The following LRRC4C variants were observed in gnomAD, a reference collection of about 807,000 sequenced individuals.
The protein encoded by LRRC4C is leucine rich repeat containing 4C.
In LRRC4C, 5 loss-of-function variants were observed where a neutral mutation model predicts 33.6. The ratio of observed to expected loss-of-function variants is 0.15; its 90% CI spans 0.08 to 0.31. The LOEUF (loss-of-function observed/expected upper bound fraction) is 0.31, where lower values mean the gene tolerates loss of function less well. Ranked by LOEUF, LRRC4C falls within the 10% of genes least tolerant of loss-of-function variation. The pLI is 1.00. For missense variants in LRRC4C, 560 were observed against 796.7 expected, an observed-to-expected ratio of 0.70 and a Z score of 3.58; for synonymous variants, 329 against 302.0, an observed-to-expected ratio of 1.09 and a Z score of -0.93.
rs546328553 is a variant in LRRC4C at position 40,467,143 on chromosome 11, C to T, written c.-269-147422G>A. ...TTTACTTTGTTATGAATTATGGACT[C>T]TTAGACTGCCTCAGTGAAGGTGAGT... On this transcript the variant is annotated intron_variant, in intron 3 of 6. Coordinates refer to ENST00000528697, the MANE Select transcript of LRRC4C (RefSeq NM_001258419.2). Among the ~76,000 whole-genome samples, 4 of 152,148 alleles carry T rather than the reference C, an allele frequency of 2.6e-5. No individual in the cohort carries two copies. The South Asian group carries it at 8.3e-4, about 32-fold the overall frequency.
At chr11:41,236,166 G>A (rs192524425) in intron 1 of LRRC4C, among the ~76,000 whole-genome samples, 154 of 152,108 alleles carry the variant, frequency 1.0e-3, no homozygotes, top group Middle Eastern at 3.4e-3. Flanking sequence ...GCCAATTAGC[G>A]CTTCACCTTC....
intron 2 of LRRC4C, among the ~76,000 whole-genome samples, chr11:40,864,013 C>T (rs536788948): frequency 6.6e-6 from 1 of 151,992 alleles, no homozygotes; most frequent in African/African-American, 2.4e-5. Context: ...ATATTGATGG[C>T]AAAATGACAA....
At chr11:41,077,039 C>T (rs1340954650) in intron 1 of LRRC4C, among the ~76,000 whole-genome samples, 2 of 152,208 alleles carry the variant, frequency 1.3e-5, no homozygotes, top group African/African-American at 2.4e-5. Context: ...GATTCCATGT[C>T]TCACATCCAG....
intron 1 of LRRC4C, among the ~76,000 whole-genome samples, chr11:41,160,664 T>C (rs1032978506): frequency 6.6e-6 from 1 of 152,136 alleles, no homozygotes; most frequent in African/African-American, 2.4e-5. Flanking sequence ...ATGGTGCAGG[T>C]GGCTGGCTAT....
chr11:40,324,491 G>A (rs1044139434), intron 3 of LRRC4C, among the ~76,000 whole-genome samples: 10 of 152,184 alleles, frequency 6.6e-5, no homozygotes, highest in African/African-American at 2.4e-4. Context: ...GGCAATGAAA[G>A]ATTGGAATTA....
intron 1 of LRRC4C, among the ~76,000 whole-genome samples, chr11:41,122,050 A>G (rs1052819254): frequency 6.6e-6 from 1 of 152,158 alleles, no homozygotes; most frequent in Non-Finnish European, 1.5e-5. Flanking sequence ...CATATAATAA[A>G]CATCTCATTG....
chr11:41,233,972 T>C (rs1947913027), intron 1 of LRRC4C, among the ~76,000 whole-genome samples: 1 of 151,796 alleles, frequency 6.6e-6, no homozygotes, highest in South Asian at 2.1e-4. Context: ...AAAAGCTTTT[T>C]TTTTTTTTTA....
At chr11:40,674,578 C>A (rs10501241) in intron 2 of LRRC4C, among the ~76,000 whole-genome samples, 27,049 of 151,938 alleles carry the variant, frequency 0.18, 3,089 homozygotes, top group East Asian at 0.49. Flanking sequence ...CGTGGAGATG[C>A]TTTGTAAACT....
At chr11:41,381,784 A>G (rs1311529221) in intron 1 of LRRC4C, among the ~76,000 whole-genome samples, 1 of 151,746 alleles carries the variant, frequency 6.6e-6, no homozygotes, top group Admixed American at 6.6e-5. Context: ...TATGAAATGA[A>G]TATATATATT....
chr11:40,515,130 T>C (rs758904679), intron 3 of LRRC4C, among the ~76,000 whole-genome samples: 11 of 152,180 alleles, frequency 7.2e-5, no homozygotes, highest in Non-Finnish European at 1.5e-4. Flanking sequence ...TGTGCTACTT[T>C]GGTTTAGAGT....
intron 1 of LRRC4C, among the ~76,000 whole-genome samples, chr11:40,968,662 T>C (rs1465995013): frequency 1.3e-5 from 2 of 152,140 alleles, no homozygotes. Flanking sequence ...ACTCTGCTTG[T>C]GTTTTATAAA....
Position 41,267,247 on chromosome 11 carries a change from A to G in LRRC4C, c.-496+192184T>C, listed in dbSNP as rs952058589. 7.2e-5 allele frequency among the ~76,000 whole-genome samples: 11 copies of G among 152,136 alleles called. No homozygotes were observed. In the East Asian group the frequency reaches 1.2e-3, roughly 16 times the overall value. ...CTGCTATCCTTTTGAATCCAAAAAC[A>G]GATCTGCTTCTAGAAGCTACCATAC... On this transcript the variant is annotated intron_variant, in intron 1 of 6. Transcript: ENST00000528697.
rs1211295886 is a variant in LRRC4C, at chr11:40,115,658, A to G, written c.635T>C (p.Ile212Thr). Residue 212 changes from isoleucine (I) to threonine (T), a missense_variant, in exon 7 of 7, where the codon ATC (isoleucine) becomes ACC (threonine). Transcript: ENST00000528697. The surrounding 1 kb of genome is among the most constrained non-coding windows in gnomAD (Gnocchi z 6.7). The part of the protein sequence containing the change: ...LNLAMCNLRE[I>T]PNLTPLIKLD... ...TTTTATGAGCGGTGTGAGGTTAGGGATTTCCCGAAGGTTGCACATGGCAAG... is the reference window on the plus strand; with the variant it reads ...TTTTATGAGCGGTGTGAGGTTAGGGGTTTCCCGAAGGTTGCACATGGCAAG... 2 of 1,614,178 alleles carry G rather than the reference A, an allele frequency of 1.2e-6. No homozygotes were observed. Among genetic ancestry groups the G allele is most frequent in the East Asian group, 4.5e-5 (2 of 44,876 alleles).
At chr11:40,678,876 A>C (rs2136315920) in intron 2 of LRRC4C, among the ~76,000 whole-genome samples, 1 of 152,224 alleles carries the variant, frequency 6.6e-6, no homozygotes. Context: ...GGGGGGTGCT[A>C]CAATAAAGGT....
intron 2 of LRRC4C, among the ~76,000 whole-genome samples, chr11:40,802,896 T>C (rs1017512305): frequency 2.0e-5 from 3 of 152,204 alleles, no homozygotes; most frequent in African/African-American, 4.8e-5. Flanking sequence ...GAAAGGCTCA[T>C]ACCAAGGAAC....
chr11:40,581,451 G>C (rs1048807723), intron 3 of LRRC4C, among the ~76,000 whole-genome samples: 4 of 152,146 alleles, frequency 2.6e-5, no homozygotes, highest in Non-Finnish European at 4.4e-5. Context: ...GTTCTTAGCA[G>C]GGTTGCAGCT....
chr11:40,353,161 T>G (rs1947493697), intron 3 of LRRC4C, among the ~76,000 whole-genome samples: 1 of 152,188 alleles, frequency 6.6e-6, no homozygotes, highest in Admixed American at 6.5e-5. Flanking sequence ...TCAAATAAAC[T>G]TTCTACCCCA....
intron 2 of LRRC4C, among the ~76,000 whole-genome samples, chr11:40,688,238 T>G (rs1945054688): frequency 6.6e-6 from 1 of 152,092 alleles, no homozygotes; most frequent in Non-Finnish European, 1.5e-5. Flanking sequence ...CAGTTAGGTG[T>G]GTGGAACTGA....
intron 1 of LRRC4C, among the ~76,000 whole-genome samples, chr11:41,266,420 A>G (rs2136788076): frequency 6.6e-6 from 1 of 152,274 alleles, no homozygotes; most frequent in African/African-American, 2.4e-5. Context: ...GGTAAACCCA[A>G]CAGAATTTAT....
Sources: gnomAD v4.1 joint callset for allele counts (sites outside exome capture counted in the v4.1 genomes callset) on GRCh38, gnomAD v4.1.1 for gene constraint, Gnocchi (gnomAD v3.1) non-coding constraint, MANE v1.5 for transcripts, NCBI Gene and HGNC (gene_info 2026-07-23, HGNC 2026-07-21) for gene names.